DHX33: variants seen among roughly 807,000 people sequenced by gnomAD.
DHX33 encodes the protein DEAH-box helicase 33, also known as ATP-dependent RNA helicase DHX33.
DHX33 carries 42 observed loss-of-function variants against 72.5 expected under a neutral mutation model. The observed-to-expected ratio is 0.58, with a 90% CI of 0.45 to 0.75. DHX33 has a LOEUF of 0.75. Among genes scored for constraint, DHX33 ranks in the 30% least tolerant of loss-of-function variants. The pLI, the probability that DHX33 is intolerant of heterozygous loss-of-function variation, is 0.00. For missense variants in DHX33, 842 were observed against 917.5 expected (o/e 0.92, Z 1.06); for synonymous variants, 358 against 366.1 (o/e 0.98, Z 0.25).
chr17:5,448,645 A>C, intron 11 of DHX33, 164 bp downstream of exon 11: 1 of 422,088 alleles, frequency 2.4e-6, no homozygotes, highest in South Asian at 6.0e-5. Flanking sequence ...AATAGGCTAA[A>C]CTACTGAATT....
rs1175524105 is a variant in DHX33, at chr17:5,455,151, A to G, written c.1147+9T>C. 1 of 1,609,372 alleles carries G rather than the reference A, an allele frequency of 6.2e-7. No homozygotes were observed. Among genetic ancestry groups the G allele is most frequent in the Admixed American group, 1.7e-5 (1 of 59,986 alleles). ...ACAGGAGAGACATTCATGAACTACA[A>G]ATTCTCACCAGGGTTATACTTCTTT... On this transcript the variant is annotated intron_variant, in intron 6 of 11. Transcript: ENST00000225296.
intron 7 of DHX33, 29 bp downstream of exon 7, chr17:5,453,792 G>C (rs1327793913): frequency 1.2e-6 from 2 of 1,613,368 alleles, no homozygotes; most frequent in South Asian, 1.1e-5. Context: ...GTGACAAACA[G>C]CAGCAGTGCA....
rs1884577853 is a variant in DHX33, at chr17:5,453,926, T to G, written c.1202A>C (p.Gln401Pro). The change falls in exon 7 of 12, where the codon CAG (glutamine) becomes CCG (proline). Residue 401 changes from glutamine to proline, a missense_variant. Transcript: ENST00000225296. The part of the protein sequence containing the change: ...VQRVSKTQAW[Q>P]RTGRAGREDS... Reference sequence around the variant, plus strand: ...CTCTCTGCCAGCCCTCCCTGTGCGCTGCCAAGCCTGCGTCTTCGATACCCG... The same window carrying G: ...CTCTCTGCCAGCCCTCCCTGTGCGCGGCCAAGCCTGCGTCTTCGATACCCG... 1 of 1,614,030 alleles carries G rather than the reference T, an allele frequency of 6.2e-7. No individual in the cohort carries two copies. The highest frequency in any genetic ancestry group is 1.3e-5 in the African/African-American group (1 of 74,932).
intron 10 of DHX33, 61 bp from the exon 11 acceptor site, chr17:5,448,956 A>AC: frequency 7.3e-7 from 1 of 1,374,310 alleles, no homozygotes; most frequent in Admixed American, 1.8e-5. Context: ...GTTCACAGAG[A>AC]CGGGGTCTTG....
rs757475767 is a variant in DHX33 at position 5,453,881 on chromosome 17, C to T, written c.1247G>A (p.Arg416Gln). ...CTCAAACTCGTCCTCCGTGTAGAGC[C>T]GGTAGCAGATGCCACTGTCCTCTCT... is the stretch of plus-strand genomic sequence containing the variant. ...AGREDSGICY[R>Q]LYTEDEFEKF... The change falls in exon 7 of 12, where the codon CGG becomes CAG. Residue 416 changes from arginine to glutamine, a missense_variant. Transcript: ENST00000225296. 2.3e-5 allele frequency: 36 copies of T among 1,599,536 alleles called. No individual in the cohort carries two copies. The highest frequency in any genetic ancestry group is 9.0e-5 in the East Asian group (4 of 44,264).
intron 5 of DHX33, among the ~76,000 whole-genome samples, 153 bp downstream of exon 5, chr17:5,455,844 A>G (rs766607351): frequency 8.5e-5 from 13 of 152,142 alleles, no homozygotes; most frequent in South Asian, 2.1e-4. Context: ...GTCACCGCGC[A>G]TTTTATTCCT....
At chr17:5,468,259 C>T (rs549867783) in intron 1 of DHX33, among the ~76,000 whole-genome samples, 39 of 152,344 alleles carry the variant, frequency 2.6e-4, no homozygotes, top group Admixed American at 2.0e-3. Flanking sequence ...ACGACCTCCC[C>T]AGCCGCCTCC....
Position 5,454,113 on chromosome 17 carries a change from G to A in DHX33, c.1148-133C>T, listed in dbSNP as rs1178777044. The A allele has an allele frequency of 4.7e-6, 5 of 1,062,612 alleles. No homozygotes were observed. The African/African-American group carries it at 4.8e-5, about 10-fold the overall frequency. 65.8% of individuals were successfully genotyped at this position (1,062,612 alleles called of 1,614,324 possible). A position where few individuals can be genotyped will look rare whatever the true frequency, so the allele number is the denominator to read the frequency against. On this transcript the variant is annotated intron_variant, in intron 6 of 11. Coordinates refer to ENST00000225296, the MANE Select transcript of DHX33 (RefSeq NM_020162.4). The stretch of plus-strand genomic sequence containing the variant: ...AGAAAGCCTCAAGGCTAGCACAATG[G>A]ACAGCACAAAACCAGACTGCTCCGC...
At position 5,444,894 on chromosome 17, in the gene DHX33, C is replaced by T. The variant is rs1916588215; in HGVS notation, c.1816-381G>A. The stretch of plus-strand genomic sequence containing the variant: ...ATCTCACCATCTCCTCACTCCGATT[C>T]ACCCACCTGCTGCTGCCAAGCTAAT... On this transcript the variant is annotated intron_variant, in intron 11 of 11. Transcript: ENST00000225296. The surrounding 1 kb of genome is among the most constrained non-coding windows in gnomAD (Gnocchi z 4.9). 1.3e-5 allele frequency among the ~76,000 whole-genome samples: 2 copies of T among 152,182 alleles called. No homozygotes were observed. Among genetic ancestry groups the T allele is most frequent in the South Asian group, 2.1e-4 (1 of 4,822 alleles).
chr17:5,464,991 G>A (rs16954715), intron 1 of DHX33, among the ~76,000 whole-genome samples: 25,790 of 152,194 alleles, frequency 0.17, 2,900 homozygotes, highest in African/African-American at 0.32. Context: ...ATCCTGTGTT[G>A]TACAGAAGCG....
chr17:5,451,505 C>T (rs146302586), intron 8 of DHX33, among the ~76,000 whole-genome samples: 2 of 152,232 alleles, frequency 1.3e-5, no homozygotes, highest in South Asian at 2.1e-4. Flanking sequence ...GTTACACTTA[C>T]GAATTTCACC....
intron 10 of DHX33, among the ~76,000 whole-genome samples, chr17:5,449,618 G>T (rs951318146): frequency 6.6e-6 from 1 of 152,134 alleles, no homozygotes; most frequent in African/African-American, 2.4e-5. Context: ...TGTATTTTTA[G>T]TAGAGACGGG....
intron 6 of DHX33, among the ~76,000 whole-genome samples, 185 bp from the exon 7 acceptor site, chr17:5,454,165 C>A (rs1051228436): frequency 1.1e-4 from 17 of 152,204 alleles, no homozygotes; most frequent in Non-Finnish European, 2.9e-5. Context: ...TGAAACAAGG[C>A]TTTGCCATAA....
At chr17:5,458,786 A>T (rs1025070118) in intron 4 of DHX33, among the ~76,000 whole-genome samples, 49 of 152,232 alleles carry the variant, frequency 3.2e-4, no homozygotes, top group Non-Finnish European at 3.8e-4. Flanking sequence ...TAGGTGCCCT[A>T]AACAGCAGAA....
At position 5,462,433 on chromosome 17, in the gene DHX33, G is replaced by A. The variant is rs1387538021; in HGVS notation, c.564C>T (p.Tyr188=). The A allele has an allele frequency of 3.1e-6, 5 of 1,614,100 alleles. No individual in the cohort carries two copies. The highest frequency in any genetic ancestry group is 3.4e-6 in the Non-Finnish European group (4 of 1,180,038). ...EAISDSLLRK[Y]SCVILDEAHE... is the part of the protein sequence containing the mutation. ...GAGCTTCATCCAAAATGACACAGCTGTATTTCCGAAGCAAAGAGTCTGAAA... is the reference window on the plus strand; with the variant it reads ...GAGCTTCATCCAAAATGACACAGCTATATTTCCGAAGCAAAGAGTCTGAAA... Residue 188 remains tyrosine, a synonymous_variant, in exon 3 of 12, where the codon TAC becomes TAT. Transcript: ENST00000225296.
At chr17:5,455,627 C>T (rs1917156555) in intron 5 of DHX33, among the ~76,000 whole-genome samples, 1 of 152,210 alleles carries the variant, frequency 6.6e-6, no homozygotes, top group South Asian at 2.1e-4. Flanking sequence ...CATAACCTGC[C>T]TTGCCGGTTC....
At chr17:5,448,621 C>T (rs1916756373) in intron 11 of DHX33, 188 bp downstream of exon 11, 1 of 358,968 alleles carries the variant, frequency 2.8e-6, no homozygotes, top group African/African-American at 2.1e-5. Flanking sequence ...ACAATAAAAA[C>T]TAGGCTATTA....
At chr17:5,446,078 G>A (rs1216958398) in intron 11 of DHX33, among the ~76,000 whole-genome samples, 3 of 152,148 alleles carry the variant, frequency 2.0e-5, no homozygotes, top group African/African-American at 7.2e-5. Flanking sequence ...GGGTTCAAGC[G>A]ATTTTTGTGC....
Position 5,455,402 on chromosome 17 carries a change from G to A in DHX33, c.1036-131C>T, listed in dbSNP as rs1917146300. The A allele has an allele frequency of 9.4e-6, 7 of 744,972 alleles. No homozygotes were observed. In the East Asian group the frequency reaches 1.5e-4, roughly 16 times the overall value. 46.1% of individuals were successfully genotyped at this position (744,972 alleles called of 1,614,324 possible). On this transcript the variant is annotated intron_variant, in intron 5 of 11. Coordinates refer to ENST00000225296, the MANE Select transcript of DHX33 (RefSeq NM_020162.4). ...GAAGATGACTCCATTATTAATGGCAGTCATTAATATTAATGGTTGGTCATT... is the reference window on the plus strand; with the variant it reads ...GAAGATGACTCCATTATTAATGGCAATCATTAATATTAATGGTTGGTCATT...
Sources: allele counts gnomAD v4.1 joint callset (sites outside exome capture counted in the v4.1 genomes callset), GRCh38; gene constraint gnomAD v4.1.1; non-coding constraint Gnocchi (gnomAD v3.1); transcripts MANE v1.5; gene names NCBI Gene and HGNC (gene_info 2026-07-23, HGNC 2026-07-21).